Variants in HS3ST5 observed in about 807,000 individuals in gnomAD.
HS3ST5 encodes heparan sulfate glucosamine 3-O-sulfotransferase 5.
Under a neutral mutation model 25.4 loss-of-function variants are expected in HS3ST5, and 10 were observed. The ratio of observed to expected loss-of-function variants is 0.39; its 90% CI spans 0.24 to 0.67. The LOEUF (loss-of-function observed/expected upper bound fraction) is 0.67, where lower values mean the gene tolerates loss of function less well. HS3ST5 is among the 30% of genes least tolerant of loss of function. HS3ST5 has a pLI of 0.44. For synonymous variants in HS3ST5, 170 were observed against 162.4 expected, an observed-to-expected ratio of 1.05 and a Z score of -0.36; for missense variants, 324 against 420.7, an observed-to-expected ratio of 0.77 and a Z score of 2.01.
In HS3ST5 at chr6:114,342,473, G is replaced by A. The variant is rs373159572; in HGVS notation, c.-617C>T. 78 of 181,706 alleles carry A rather than the reference G, an allele frequency of 4.3e-4. No homozygotes were observed. In the East Asian group the frequency reaches 0.011, roughly 26 times the overall value. 11.3% of individuals were successfully genotyped at this position (181,706 alleles called of 1,614,324 possible). A position where few individuals can be genotyped will look rare whatever the true frequency, so the allele number is the denominator to read the frequency against. ...GAGGTCTGAGGCGGGGAGCCGGGCG[G>A]GGGGGCAGGCGGGCGAGAAGTAGTG... On this transcript the variant is annotated 5_prime_UTR_variant, in exon 1 of 5. Transcript: ENST00000312719.
intron 3 of HS3ST5, among the ~76,000 whole-genome samples, chr6:114,083,007 C>T (rs1378012912): frequency 6.6e-6 from 1 of 152,204 alleles, no homozygotes; most frequent in Non-Finnish European, 1.5e-5. Context: ...GCACACCCTT[C>T]TATAGAAGTA....
intron 3 of HS3ST5, among the ~76,000 whole-genome samples, chr6:114,134,230 TTATGA>T (rs1777484997): frequency 6.6e-6 from 1 of 152,156 alleles, no homozygotes; most frequent in Non-Finnish European, 1.5e-5. Context: ...GGCTCTGCAC[TTATGA>T]TATCATGGAG....
At chr6:114,328,761 G>A (rs943223295) in intron 1 of HS3ST5, among the ~76,000 whole-genome samples, 1 of 152,158 alleles carries the variant, frequency 6.6e-6, no homozygotes, top group African/African-American at 2.4e-5. Context: ...ACTTGTCAGT[G>A]TAATCTATTT....
At chr6:114,102,752 C>T (rs1775795160) in intron 3 of HS3ST5, among the ~76,000 whole-genome samples, 1 of 152,194 alleles carries the variant, frequency 6.6e-6, no homozygotes, top group East Asian at 1.9e-4. Context: ...TGCTGAGCCA[C>T]AGGTAGGGCT....
intron 3 of HS3ST5, among the ~76,000 whole-genome samples, chr6:114,097,646 T>C (rs1348291231): frequency 1.3e-5 from 2 of 151,968 alleles, no homozygotes; most frequent in African/African-American, 2.4e-5. Flanking sequence ...CTGGAAAATA[T>C]GAGCACTTTG....
rs764585848 is a variant in HS3ST5 at position 114,057,342 on chromosome 6, G to A, written c.956C>T (p.Ser319Phe). The A allele has an allele frequency of 6.2e-7, 1 of 1,614,106 alleles. No individual in the cohort carries two copies. Among genetic ancestry groups the A allele is most frequent in the Non-Finnish European group, 8.5e-7 (1 of 1,180,000 alleles). ...GAATTTGCGCAATTTAGTAATGACA[G>A]AGGGGTCCACCTCTGGATGAATGCG... The part of the protein sequence containing the change: ...KGRIHPEVDP[S>F]VITKLRKFFH... The change falls in exon 5 of 5, where the codon TCT (serine) becomes TTT (phenylalanine). Residue 319 changes from serine (S) to phenylalanine (F), a missense_variant. By Grantham distance (155) the Ser-to-Phe change is radical. Around this residue, in one of 2 missense-constraint regions of HS3ST5, gnomAD observed 203 missense variants for 303.4 expected, o/e 0.67. Transcript: ENST00000312719.
At chr6:114,137,230 C>T (rs73536659) in intron 3 of HS3ST5, among the ~76,000 whole-genome samples, 1,963 of 152,226 alleles carry the variant, frequency 0.013, 44 homozygotes, top group African/African-American at 0.045. Context: ...TTCTCCCCCC[C>T]GCAAACCATA....
chr6:114,256,336 C>T (rs554194662), intron 1 of HS3ST5, among the ~76,000 whole-genome samples: 54 of 150,552 alleles, frequency 3.6e-4, no homozygotes, highest in African/African-American at 1.0e-3. Context: ...TGCAGTGAGC[C>T]GAGATTGCGC....
intron 3 of HS3ST5, among the ~76,000 whole-genome samples, chr6:114,131,790 CCT>C (rs1427195209): frequency 1.3e-5 from 2 of 152,046 alleles, no homozygotes; most frequent in African/African-American, 4.8e-5. Flanking sequence ...TGTTTCTGTA[CCT>C]CTCTGTCTGA....
At chr6:114,072,188 CTGAGT>C (rs1441798182) in intron 3 of HS3ST5, among the ~76,000 whole-genome samples, 1 of 151,952 alleles carries the variant, frequency 6.6e-6, no homozygotes, top group Non-Finnish European at 1.5e-5. Flanking sequence ...TCTGCAAATT[CTGAGT>C]TGAGTGTTTA....
chr6:114,210,631 T>C (rs1781476356), intron 2 of HS3ST5, among the ~76,000 whole-genome samples: 1 of 152,194 alleles, frequency 6.6e-6, no homozygotes, highest in Admixed American at 6.5e-5. Context: ...TTCTGTGTCA[T>C]TCACATCTAG....
At chr6:114,195,837 C>T (rs991220171) in intron 2 of HS3ST5, among the ~76,000 whole-genome samples, 8 of 152,100 alleles carry the variant, frequency 5.3e-5, no homozygotes, top group Non-Finnish European at 1.2e-4. Context: ...AGCCTGCAGG[C>T]ACAGATAAGG....
intron 1 of HS3ST5, among the ~76,000 whole-genome samples, chr6:114,296,205 T>A (rs2114791948): frequency 6.6e-6 from 1 of 152,322 alleles, no homozygotes; most frequent in East Asian, 1.9e-4. Context: ...TATGGCCCAC[T>A]CTAAATATGG....
chr6:114,328,216 A>C (rs1776248474), intron 1 of HS3ST5, among the ~76,000 whole-genome samples: 2 of 151,702 alleles, frequency 1.3e-5, no homozygotes, highest in South Asian at 4.2e-4. Flanking sequence ...AAGTGAAAAA[A>C]GGAAGGAAAG....
At chr6:114,117,248 A>G (rs1192245671) in intron 3 of HS3ST5, among the ~76,000 whole-genome samples, 2 of 152,198 alleles carry the variant, frequency 1.3e-5, no homozygotes, top group Admixed American at 1.3e-4. Context: ...CCTTTGGGCT[A>G]ATTTTTCATT....
chr6:114,140,913 T>G (rs1415995927), intron 3 of HS3ST5, among the ~76,000 whole-genome samples: 3 of 152,228 alleles, frequency 2.0e-5, no homozygotes, highest in Non-Finnish European at 4.4e-5. Context: ...TTTCCTCATC[T>G]GTAAATTGAA....
intron 1 of HS3ST5, among the ~76,000 whole-genome samples, chr6:114,309,346 A>T (rs1775435024): frequency 6.6e-6 from 1 of 152,252 alleles, no homozygotes; most frequent in African/African-American, 2.4e-5. Context: ...GGGACTTGTC[A>T]ATAAAACACA....
At chr6:114,186,614 C>A (rs1266930486) in intron 2 of HS3ST5, among the ~76,000 whole-genome samples, 1 of 152,152 alleles carries the variant, frequency 6.6e-6, no homozygotes, top group Non-Finnish European at 1.5e-5. Context: ...GGTGAAGCAG[C>A]AAATGTTGAT....
chr6:114,143,168 T>G (rs1449562351), intron 3 of HS3ST5: 2 of 152,246 alleles, frequency 1.3e-5, no homozygotes, highest in Admixed American at 1.3e-4. Flanking sequence ...GGCAAATTAC[T>G]TAACTGTTCT....
Sources: allele counts gnomAD v4.1 joint callset (sites outside exome capture counted in the v4.1 genomes callset), GRCh38; gene constraint gnomAD v4.1.1; regional missense constraint gnomAD v4.1.1; transcripts MANE v1.5; gene names NCBI Gene and HGNC (gene_info 2026-07-23, HGNC 2026-07-21).